Variants in PRKN observed in about 807,000 individuals in gnomAD.
The protein encoded by PRKN is E3 ubiquitin-protein ligase parkin.
In PRKN, 56 loss-of-function variants were observed where a neutral mutation model predicts 59.5. The observed-to-expected ratio is 0.94, with a 90% CI of 0.76 to 1.18. PRKN has a LOEUF of 1.18. PRKN is among the 50% of genes most tolerant of loss of function. The probability of loss-of-function intolerance (pLI) is 0.00; values close to 1 mark genes in which losing one functional copy is unlikely to be tolerated. For missense variants in PRKN, 657 were observed against 596.4 expected, an observed-to-expected ratio of 1.10 and a Z score of -1.06; for synonymous variants, 250 against 222.1, an observed-to-expected ratio of 1.13 and a Z score of -1.12.
chr6:162,627,657 G>A (rs1203896277), intron 1 of PRKN, among the ~76,000 whole-genome samples: 1 of 152,156 alleles, frequency 6.6e-6, no homozygotes, highest in Non-Finnish European at 1.5e-5. Flanking sequence ...CGCAGGTGAA[G>A]AAATTATCAC....
chr6:162,561,662 A>C (rs1779851924), intron 1 of PRKN, among the ~76,000 whole-genome samples: 1 of 152,192 alleles, frequency 6.6e-6, no homozygotes, highest in Admixed American at 6.5e-5. Context: ...TAGGGGAGGG[A>C]GAACACAGCA....
chr6:162,233,811 T>C (rs1778524285), intron 3 of PRKN, among the ~76,000 whole-genome samples: 3 of 152,148 alleles, frequency 2.0e-5, no homozygotes, highest in Admixed American at 1.3e-4. Context: ...GGTGGTTTCA[T>C]AGGAAGAGAA....
At chr6:161,598,442 TC>T in intron 7 of PRKN, among the ~76,000 whole-genome samples, 1 of 152,346 alleles carries the variant, frequency 6.6e-6, no homozygotes, top group South Asian at 2.1e-4. Context: ...CCGTGAGTTA[TC>T]TACTTAACAT....
intron 7 of PRKN, among the ~76,000 whole-genome samples, chr6:161,747,903 T>C (rs1029150815): frequency 5.3e-5 from 8 of 152,250 alleles, no homozygotes; most frequent in African/African-American, 1.7e-4. Flanking sequence ...TTGAAAGTGA[T>C]GAACATCGCC....
intron 4 of PRKN, among the ~76,000 whole-genome samples, chr6:162,195,126 C>T (rs79980803): frequency 0.011 from 1,687 of 152,312 alleles, 28 homozygotes; most frequent in African/African-American, 0.038. Context: ...CACTGTAACG[C>T]GATGCAAAAC....
chr6:162,383,866 C>A (rs779920982), intron 2 of PRKN, among the ~76,000 whole-genome samples: 1 of 152,218 alleles, frequency 6.6e-6, no homozygotes, highest in Non-Finnish European at 1.5e-5. Context: ...GCACTTGCTG[C>A]TTCACCTTAC....
chr6:162,593,274 A>C (rs1201230000), intron 1 of PRKN, among the ~76,000 whole-genome samples: 1 of 152,224 alleles, frequency 6.6e-6, no homozygotes, highest in African/African-American at 2.4e-5. Flanking sequence ...TATGAAAGAA[A>C]CAGAAAAATT....
At chr6:162,516,763 GAAA>G (rs10707457) in intron 1 of PRKN, among the ~76,000 whole-genome samples, 4 of 136,842 alleles carry the variant, frequency 2.9e-5, no homozygotes, top group Non-Finnish European at 3.1e-5. Flanking sequence ...ACTCTACCAT[GAAA>G]AAAAAAAAAA....
At chr6:162,037,172 A>C (rs1054721454) in intron 5 of PRKN, among the ~76,000 whole-genome samples, 26 of 152,198 alleles carry the variant, frequency 1.7e-4, no homozygotes, top group African/African-American at 5.5e-4. Context: ...ATATTTCAAA[A>C]ATGTGACTAG....
chr6:162,007,349 C>A (rs889399719), intron 5 of PRKN, among the ~76,000 whole-genome samples: 17 of 152,068 alleles, frequency 1.1e-4, no homozygotes, highest in African/African-American at 4.1e-4. Context: ...TCACTAACAA[C>A]AACAATGCAA....
At chr6:162,373,696 T>G (rs1267960072) in intron 2 of PRKN, among the ~76,000 whole-genome samples, 2 of 152,152 alleles carry the variant, frequency 1.3e-5, no homozygotes, top group African/African-American at 2.4e-5. Context: ...CTTTTGTTCC[T>G]GGTGACATAG....
At chr6:162,285,532 T>C (rs778327337) in intron 2 of PRKN, among the ~76,000 whole-genome samples, 1 of 151,670 alleles carries the variant, frequency 6.6e-6, no homozygotes, top group African/African-American at 2.4e-5. Context: ...ATCTTCGCAA[T>C]TACACTGAAA....
At chr6:162,150,276 T>C (rs79267362) in intron 4 of PRKN, among the ~76,000 whole-genome samples, 29 of 152,308 alleles carry the variant, frequency 1.9e-4, no homozygotes, top group African/African-American at 6.3e-4. Context: ...AATGGACATA[T>C]GTATCCTAAG....
intron 5 of PRKN, among the ~76,000 whole-genome samples, chr6:161,977,842 C>G (rs1781109709): frequency 6.6e-6 from 1 of 151,896 alleles, no homozygotes; most frequent in Admixed American, 6.6e-5. Context: ...AGCCACCACG[C>G]CCGGCCCTAT....
chr6:161,425,804 G>A (rs1788322756), intron 9 of PRKN, among the ~76,000 whole-genome samples: 5 of 152,138 alleles, frequency 3.3e-5, no homozygotes, highest in Admixed American at 3.3e-4. Context: ...GTATAATATA[G>A]ACGAGACGCC....
intron 7 of PRKN, among the ~76,000 whole-genome samples, chr6:161,742,844 A>C (rs76007929): frequency 0.026 from 3,940 of 152,290 alleles, 180 homozygotes; most frequent in African/African-American, 0.091. Context: ...GAATGCCCAC[A>C]GAGGGGTGGC....
intron 5 of PRKN, among the ~76,000 whole-genome samples, chr6:161,998,086 T>C (rs549828009): frequency 6.6e-6 from 1 of 152,290 alleles, no homozygotes; most frequent in Non-Finnish European, 1.5e-5. Flanking sequence ...TATATGGTTA[T>C]TATATAGCCC....
intron 6 of PRKN, among the ~76,000 whole-genome samples, chr6:161,874,786 A>AAGATAT (rs369524378): frequency 0.03 from 1,431 of 47,746 alleles, 92 homozygotes; most frequent in African/African-American, 0.11. Context: ...TAAAATGTAT[A>AAGATAT]ATAAATAAAA....
At chr6:161,924,585 C>T (rs1778898873) in intron 6 of PRKN, among the ~76,000 whole-genome samples, 1 of 152,096 alleles carries the variant, frequency 6.6e-6, no homozygotes, top group Non-Finnish European at 1.5e-5. Context: ...ATAATTTTCC[C>T]AAACTCGGCT....
Sources: allele counts gnomAD v4.1 joint callset (sites outside exome capture counted in the v4.1 genomes callset), GRCh38; gene constraint gnomAD v4.1.1; transcripts MANE v1.5; gene names NCBI Gene and HGNC (gene_info 2026-07-23, HGNC 2026-07-21).